Variants in DNAH2 observed in about 807,000 individuals in gnomAD.
DNAH2 encodes axonemal beta dynein heavy chain 2.
A neutral mutation model predicts 523.5 loss-of-function variants in DNAH2; 323 were observed. That is an observed-to-expected ratio of 0.62 (90% CI 0.56 to 0.68). DNAH2 has a LOEUF of 0.68. DNAH2 is among the 30% of genes least tolerant of loss of function. The pLI is 0.00. For synonymous variants in DNAH2, 2,093 were observed against 2,177.4 expected (o/e 0.96, Z 1.08); for missense variants, 4,907 against 5,701.5 (o/e 0.86, Z 4.49).
In DNAH2 at chr17:7,778,610, A is replaced by AT. The variant is rs148530849; in HGVS notation, c.5541+147dup. The AT allele has an allele frequency of 3.9e-3, 3,406 of 874,972 alleles. 130 individuals carry two copies. The East Asian group carries it at 0.078, about 20-fold the overall frequency. The allele number at this position is 874,972 out of a possible 1,614,324, so 54.2% of individuals were successfully genotyped here. A position where few individuals can be genotyped will look rare whatever the true frequency, so the allele number is the denominator to read the frequency against. On this transcript the variant is annotated intron_variant, in intron 35 of 85. Transcript: ENST00000572933. ...GTAATTCTTATTTATTTATTTATTT[A>AT]TTTTTTGGAGTGCAGTGGCATGATC...
intron 42 of DNAH2, 192 bp downstream of exon 42, chr17:7,787,225 A>G (rs2151261950): frequency 1.4e-6 from 1 of 735,616 alleles, no homozygotes; most frequent in East Asian, 2.7e-5. Context: ...TGTTGAGAAC[A>G]ATGATAAGAA....
chr17:7,797,777 A>C lies in DNAH2; in HGVS notation c.8178A>C (p.Ser2726=), dbSNP rs991410557. ...METALNEYNL[S]PSVVPMQLVL... is the part of the protein sequence containing the mutation. Reference sequence around the variant, plus strand: ...CAGCTCTAAATGAGTATAACCTGTCACCCTCTGTCGTGCCCATGCAGCTAG... The same window carrying C: ...CAGCTCTAAATGAGTATAACCTGTCCCCCTCTGTCGTGCCCATGCAGCTAG... Residue 2726 remains serine (S), a synonymous_variant, in exon 53 of 86, where the codon TCA becomes TCC. Transcript: ENST00000572933. The C allele has an allele frequency of 6.2e-7, 1 of 1,613,790 alleles. No individual in the cohort carries two copies. Among genetic ancestry groups the C allele is most frequent in the Non-Finnish European group, 8.5e-7 (1 of 1,179,984 alleles).
In DNAH2 at chr17:7,767,891, G is replaced by T; in HGVS notation, c.3676-9G>T. 1 of 1,614,066 alleles carries T rather than the reference G, an allele frequency of 6.2e-7. No individual in the cohort carries two copies. The highest frequency in any genetic ancestry group is 8.5e-7 in the Non-Finnish European group (1 of 1,180,016). ...GCCACTTCATGCAACGCGCCTTTCT[G>T]CCCTGTAGGAGCTCGATGCCCTCCA... is the stretch of plus-strand genomic sequence containing the variant. On this transcript the variant is annotated splice_polypyrimidine_tract_variant and intron_variant, in intron 22 of 85. Transcript: ENST00000572933.
chr17:7,824,056 T>C lies in DNAH2; in HGVS notation c.11479-65T>C. 2.5e-6 allele frequency: 4 copies of C among 1,579,166 alleles called. No homozygotes were observed. The South Asian group carries it at 3.5e-5, about 14-fold the overall frequency. On this transcript the variant is annotated intron_variant, in intron 75 of 85. Transcript: ENST00000572933. ...CTCCCTCGCTCTGTTTCAGTCTCCT[T>C]CATCTCTCTCTCCCACTTTGGTCAT... is the stretch of plus-strand genomic sequence containing the variant.
intron 63 of DNAH2, among the ~76,000 whole-genome samples, chr17:7,816,129 T>C (rs2077658755): frequency 6.6e-6 from 1 of 152,202 alleles, no homozygotes; most frequent in South Asian, 2.1e-4. Context: ...ACTCTCCCTC[T>C]AACAGCTCTT....
At chr17:7,773,423 G>C (rs2076369363) in intron 28 of DNAH2, among the ~76,000 whole-genome samples, 1 of 152,030 alleles carries the variant, frequency 6.6e-6, no homozygotes, top group Admixed American at 6.6e-5. Context: ...GGGAAATCTA[G>C]GAAGACGGAC....
intron 8 of DNAH2, among the ~76,000 whole-genome samples, chr17:7,737,770 A>G (rs1047994552): frequency 6.6e-6 from 1 of 152,126 alleles, no homozygotes; most frequent in Non-Finnish European, 1.5e-5. Flanking sequence ...GTAAGGGGCC[A>G]CCTAGGACAA....
chr17:7,820,490 G>A (rs553331460), intron 72 of DNAH2, among the ~76,000 whole-genome samples: 2 of 152,264 alleles, frequency 1.3e-5, no homozygotes, highest in East Asian at 3.9e-4. Flanking sequence ...CCTGCATGCT[G>A]TGCCCTTCTC....
chr17:7,737,330 A>G, intron 8 of DNAH2, 72 bp downstream of exon 8: 6 of 1,492,890 alleles, frequency 4.0e-6, no homozygotes, highest in Non-Finnish European at 5.5e-6. Flanking sequence ...GGGGGAATGC[A>G]TTCGGCAGAG....
intron 28 of DNAH2, among the ~76,000 whole-genome samples, chr17:7,772,656 T>A (rs1027593145): frequency 6.6e-6 from 1 of 152,184 alleles, no homozygotes; most frequent in Admixed American, 6.5e-5. Context: ...GGAAAATCAA[T>A]CAAGGCCTGA....
chr17:7,794,379 G>T, intron 49 of DNAH2, 21 bp downstream of exon 49: 1 of 1,590,168 alleles, frequency 6.3e-7, no homozygotes, highest in Non-Finnish European at 8.6e-7. Context: ...CATGGGGGCT[G>T]CAGGACGAGG....
intron 18 of DNAH2, among the ~76,000 whole-genome samples, chr17:7,762,331 C>A (rs899757063): frequency 8.9e-6 from 1 of 111,834 alleles, no homozygotes; most frequent in Non-Finnish European, 1.8e-5. Flanking sequence ...CGTAGGATTT[C>A]TTTTTTTTTT....
chr17:7,740,380 C>A, intron 9 of DNAH2, 40 bp from the exon 10 acceptor site: 1 of 1,609,604 alleles, frequency 6.2e-7, no homozygotes, highest in South Asian at 1.1e-5. Context: ...TGGGGGCAGG[C>A]GAGGGCACTC....
chr17:7,816,655 A>G lies in DNAH2; in HGVS notation c.9814A>G (p.Met3272Val). Residue 3272 changes from methionine (M) to valine (V), a missense_variant, in exon 64 of 86, where the codon ATG becomes GTG. Met to Val is a conservative substitution (Grantham distance 21). Coordinates refer to ENST00000572933, the MANE Select transcript of DNAH2 (RefSeq NM_020877.5). ...GGAGCTTCGCAAGAAGTCTGAAGAG[A>G]TGGAGCTGAAGCTGGAGCGAGCTGG... is the stretch of plus-strand genomic sequence containing the variant. ...KEELRKKSEE[M>V]ELKLERAGML... The G allele has an allele frequency of 6.2e-7, 1 of 1,614,220 alleles. No individual in the cohort carries two copies. Among genetic ancestry groups the G allele is most frequent in the Non-Finnish European group, 8.5e-7 (1 of 1,180,030 alleles).
At chr17:7,816,880 C>T in intron 64 of DNAH2, 145 bp downstream of exon 64, 1 of 1,029,808 alleles carries the variant, frequency 9.7e-7, no homozygotes, top group South Asian at 1.7e-5. Context: ...GGAGCTCTTC[C>T]CCTCCCCCTG....
intron 12 of DNAH2, among the ~76,000 whole-genome samples, chr17:7,745,136 A>G (rs998621910): frequency 6.6e-6 from 1 of 151,958 alleles, no homozygotes; most frequent in Admixed American, 6.6e-5. Context: ...CTGGGATTAC[A>G]GGCGCCCGCC....
chr17:7,791,684 G>A (rs2076901135), intron 44 of DNAH2, among the ~76,000 whole-genome samples: 1 of 152,200 alleles, frequency 6.6e-6, no homozygotes, highest in Admixed American at 6.5e-5. Context: ...GCATCTTCAT[G>A]AGTTAGCAGT....
In DNAH2 at chr17:7,775,237, G is replaced by A; in HGVS notation, c.4720-4G>A. The A allele has an allele frequency of 6.2e-7, 1 of 1,611,762 alleles. No homozygotes were observed. The highest frequency in any genetic ancestry group is 8.5e-7 in the Non-Finnish European group (1 of 1,178,838). On this transcript the variant is annotated splice_region_variant and splice_polypyrimidine_tract_variant and intron_variant, in intron 29 of 85. Coordinates refer to ENST00000572933, the MANE Select transcript of DNAH2 (RefSeq NM_020877.5). The stretch of plus-strand genomic sequence containing the variant: ...AGGCTCTGAGTAGCTTCTGCTTTCT[G>A]CAGGTTGGAGGGCCCAGCAGCAAAT...
In DNAH2 at chr17:7,819,519, C is replaced by T. The variant is rs1375583729; in HGVS notation, c.11015+111C>T. The T allele has an allele frequency of 2.7e-6, 3 of 1,131,274 alleles. No homozygotes were observed. In the African/African-American group the frequency reaches 4.6e-5, roughly 17 times the overall value. The allele number at this position is 1,131,274 out of a possible 1,614,324, so 70.1% of individuals were successfully genotyped here. A position where few individuals can be genotyped will look rare whatever the true frequency, so the allele number is the denominator to read the frequency against. On this transcript the variant is annotated intron_variant, in intron 72 of 85. Coordinates refer to ENST00000572933, the MANE Select transcript of DNAH2 (RefSeq NM_020877.5). ...CCGCGGCTCTCAGCCTGCCGCTGTC[C>T]TTGGCATATGTCCTCCTGGTAGCTC... is the stretch of plus-strand genomic sequence containing the variant.
Sources: gnomAD v4.1 joint callset for allele counts (sites outside exome capture counted in the v4.1 genomes callset) on GRCh38, gnomAD v4.1.1 for gene constraint, MANE v1.5 for transcripts, NCBI Gene and HGNC (gene_info 2026-07-23, HGNC 2026-07-21) for gene names.